Variants in TMEM232 observed in about 807,000 individuals in gnomAD.
TMEM232 encodes the protein transmembrane protein 232.
A neutral mutation model predicts 78.8 loss-of-function variants in TMEM232; 80 were observed. That is an observed-to-expected ratio of 1.01 (90% CI 0.85 to 1.22). The LOEUF (loss-of-function observed/expected upper bound fraction) is 1.22. Ranked by LOEUF, TMEM232 falls within the 50% of genes most tolerant of loss-of-function variation. TMEM232 has a pLI of 0.00. For missense variants in TMEM232, 881 were observed against 742.2 expected, an observed-to-expected ratio of 1.19 and a Z score of -2.17; for synonymous variants, 297 against 254.3, an observed-to-expected ratio of 1.17 and a Z score of -1.60.
At chr5:110,567,292 TAAA>T (rs1282228618) in intron 11 of TMEM232, among the ~76,000 whole-genome samples, 1 of 151,698 alleles carries the variant, frequency 6.6e-6, no homozygotes, top group Non-Finnish European at 1.5e-5. Flanking sequence ...ATTTTTATCT[TAAA>T]AATAATTTTA....
chr5:110,621,757 T>C (rs991572893), intron 7 of TMEM232, among the ~76,000 whole-genome samples: 2 of 152,038 alleles, frequency 1.3e-5, no homozygotes, highest in Non-Finnish European at 2.9e-5. Flanking sequence ...CTTTCTTTTT[T>C]GGCTTTTATA....
intron 5 of TMEM232, among the ~76,000 whole-genome samples, chr5:110,631,337 T>A (rs1412975880): frequency 4.6e-5 from 7 of 152,158 alleles, no homozygotes; most frequent in Non-Finnish European, 1.0e-4. Flanking sequence ...GCACAAATTC[T>A]GTGATCAGGC....
chr5:110,681,995 A>G (rs1034456629), intron 1 of TMEM232, among the ~76,000 whole-genome samples: 2 of 152,222 alleles, frequency 1.3e-5, no homozygotes, highest in Non-Finnish European at 2.9e-5. Flanking sequence ...GAAATAAAAA[A>G]ATAAAATGAG....
At chr5:110,665,176 C>A (rs1013225059) in intron 2 of TMEM232, among the ~76,000 whole-genome samples, 1 of 152,126 alleles carries the variant, frequency 6.6e-6, no homozygotes, top group Non-Finnish European at 1.5e-5. Context: ...AAAAATCACA[C>A]ACAATTTTTA....
At position 110,614,672 on chromosome 5, in the gene TMEM232, C is replaced by A. The variant is rs73783671; in HGVS notation, c.902+3757G>T. On this transcript the variant is annotated intron_variant, in intron 8 of 13. Transcript: ENST00000455884. ...AGAGTACTTTTTAAATAAATTTGAC[C>A]AAGTCACACAATATTTATTTTTAGA... Among the ~76,000 whole-genome samples, 1,482 of 151,862 alleles carry A rather than the reference C, an allele frequency of 9.8e-3. 34 individuals are homozygous for A. Among genetic ancestry groups the A allele is most frequent in the African/African-American group, 0.033 (1,384 of 41,448 alleles).
At chr5:110,710,415 C>A (rs1389201516) in intron 1 of TMEM232, among the ~76,000 whole-genome samples, 1 of 152,004 alleles carries the variant, frequency 6.6e-6, no homozygotes, top group Admixed American at 6.6e-5. Flanking sequence ...ATTACTCTCA[C>A]AGCAAAATCA....
chr5:110,601,425 C>T (rs1780881293), intron 10 of TMEM232, among the ~76,000 whole-genome samples: 1 of 152,152 alleles, frequency 6.6e-6, no homozygotes, highest in Admixed American at 6.6e-5. Flanking sequence ...CCCAAAAACT[C>T]CTCAAGCTGA....
chr5:110,535,960 G>A (rs1772282057), intron 11 of TMEM232, among the ~76,000 whole-genome samples: 1 of 152,166 alleles, frequency 6.6e-6, no homozygotes, highest in African/African-American at 2.4e-5. Context: ...TTTCCTGTGT[G>A]GCAGATGAAA....
chr5:110,723,510 T>G (rs1163787504), intron 1 of TMEM232, among the ~76,000 whole-genome samples: 1 of 152,204 alleles, frequency 6.6e-6, no homozygotes. Flanking sequence ...GGTACCATTA[T>G]GTTTAAATTA....
rs549318189 is a variant in TMEM232, at chr5:110,530,171, G to A, written c.1456-1336C>T. Among the ~76,000 whole-genome samples, 480 of 152,278 alleles carry A rather than the reference G, an allele frequency of 3.2e-3. 2 individuals are homozygous for A. The highest frequency in any genetic ancestry group is 0.011 in the African/African-American group (462 of 41,554). ...ATTGAATTATTTAGACAAAAGTATA[G>A]TAGAGAAAATGAGTACAGTCTCAGG... On this transcript the variant is annotated intron_variant, in intron 11 of 13. Coordinates refer to ENST00000455884, the MANE Select transcript of TMEM232 (RefSeq NM_001039763.4).
chr5:110,484,237 G>C (rs1764221019), intron 12 of TMEM232, among the ~76,000 whole-genome samples: 1 of 152,024 alleles, frequency 6.6e-6, no homozygotes, highest in Non-Finnish European at 1.5e-5. Flanking sequence ...TCGTTTGTAT[G>C]CCAAACCCCA....
chr5:110,575,874 C>A (rs1299527082), intron 10 of TMEM232, among the ~76,000 whole-genome samples: 1 of 152,010 alleles, frequency 6.6e-6, no homozygotes, highest in Non-Finnish European at 1.5e-5. Context: ...TTCAGCAGAG[C>A]AGCTGCTCAG....
chr5:110,676,780 A>G lies in TMEM232; in HGVS notation c.-12-9416T>C, dbSNP rs967507882. Among the ~76,000 whole-genome samples the G allele has an allele frequency of 2.0e-4, 30 of 147,822 alleles. No homozygotes were observed. In the South Asian group the frequency reaches 6.2e-3, roughly 30 times the overall value. ...ATTTATTTATTTATTTATTTAATAT[A>G]CGGAGTTTCACTCTGTTGCCCAGGC... On this transcript the variant is annotated intron_variant, in intron 1 of 13. Coordinates refer to ENST00000455884, the MANE Select transcript of TMEM232 (RefSeq NM_001039763.4).
chr5:110,470,703 T>C (rs1488558648), intron 12 of TMEM232, among the ~76,000 whole-genome samples: 1 of 152,180 alleles, frequency 6.6e-6, no homozygotes, highest in Non-Finnish European at 1.5e-5. Context: ...ACACCCTTCC[T>C]AACCAGGACA....
At chr5:110,562,003 C>T (rs867434512) in intron 11 of TMEM232, among the ~76,000 whole-genome samples, 1 of 152,116 alleles carries the variant, frequency 6.6e-6, no homozygotes, top group East Asian at 1.9e-4. Flanking sequence ...AGTGTAGAGA[C>T]AATGAGCAAG....
intron 7 of TMEM232, among the ~76,000 whole-genome samples, chr5:110,622,282 A>T (rs926605319): frequency 8.5e-5 from 13 of 152,204 alleles, no homozygotes; most frequent in Admixed American, 3.3e-4. Flanking sequence ...TGCTAATCAT[A>T]CTAGAATGTA....
intron 2 of TMEM232, among the ~76,000 whole-genome samples, chr5:110,408,111 G>A (rs577616000): frequency 7.9e-5 from 12 of 151,950 alleles, no homozygotes; most frequent in African/African-American, 2.9e-4. Context: ...ACAAAAAGTT[G>A]TATCTATGGG....
chr5:110,546,963 A>C (rs1362262155), intron 11 of TMEM232, among the ~76,000 whole-genome samples: 1 of 152,098 alleles, frequency 6.6e-6, no homozygotes, highest in Admixed American at 6.5e-5. Flanking sequence ...TACCAAAAAA[A>C]AAGAAAAAGA....
rs1377445404 is a variant in TMEM232, at chr5:110,420,640, T to C, written c.1914A>G (p.Glu638=). The C allele has an allele frequency of 2.0e-6, 3 of 1,524,978 alleles. No individual in the cohort carries two copies. In the Admixed American group the frequency reaches 6.2e-5, roughly 31 times the overall value. 94.5% of individuals were successfully genotyped at this position (1,524,978 alleles called of 1,614,324 possible). The change falls in exon 14 of 14, where the codon GAA becomes GAG. Residue 638 remains glutamate, a synonymous_variant. Transcript: ENST00000455884. ...NHFQEVMKKR[E]EKLHKQTKPY... ...GCTTGGTTTGCTTATGTAGTTTCTCTTCTCTTTTCTTCATAACTTCTTGAA... is the reference window on the plus strand; with the variant it reads ...GCTTGGTTTGCTTATGTAGTTTCTCCTCTCTTTTCTTCATAACTTCTTGAA...
Sources: allele counts gnomAD v4.1 joint callset (sites outside exome capture counted in the v4.1 genomes callset), GRCh38; gene constraint gnomAD v4.1.1; transcripts MANE v1.5; gene names NCBI Gene and HGNC (gene_info 2026-07-23, HGNC 2026-07-21).